SCAP: variants seen among roughly 807,000 people sequenced by gnomAD.
SCAP encodes the protein sterol regulatory element-binding protein cleavage-activating protein.
Under a neutral mutation model 123.6 loss-of-function variants are expected in SCAP, and 65 were observed. The observed-to-expected ratio is 0.53, with a 90% CI of 0.43 to 0.65. SCAP has a LOEUF of 0.65. SCAP is among the 30% of genes least tolerant of loss of function. The pLI is 0.00. For missense variants in SCAP, 1,398 were observed against 1,712.5 expected, an observed-to-expected ratio of 0.82 and a Z score of 3.24; for synonymous variants, 740 against 726.3, an observed-to-expected ratio of 1.02 and a Z score of -0.30.
In SCAP at chr3:47,427,439, G is replaced by C. The variant is rs1706186505; in HGVS notation, c.631+8C>G. On this transcript the variant is annotated splice_region_variant and intron_variant, in intron 5 of 22. Coordinates refer to ENST00000265565, the MANE Select transcript of SCAP (RefSeq NM_012235.4). ...TACAGGTCTGAAGGGAACTTGTACT[G>C]GGGCTACCTTTGAGTGTGGCTGAAG... The C allele has an allele frequency of 2.5e-6, 4 of 1,613,530 alleles. No individual in the cohort carries two copies. Among genetic ancestry groups the C allele is most frequent in the Non-Finnish European group, 3.4e-6 (4 of 1,179,422 alleles).
At chr3:47,429,286 C>G (rs1427050376) in intron 3 of SCAP, among the ~76,000 whole-genome samples, 1 of 152,248 alleles carries the variant, frequency 6.6e-6, no homozygotes, top group Non-Finnish European at 1.5e-5. Context: ...TGCTCAATAA[C>G]ACATCTACTA....
At chr3:47,416,392 G>A (rs1329829703) in intron 18 of SCAP, among the ~76,000 whole-genome samples, 1 of 152,232 alleles carries the variant, frequency 6.6e-6, no homozygotes, top group South Asian at 2.1e-4. Context: ...GAGAACAGCT[G>A]CCAGCGGCCA....
upstream of SCAP, chr3:47,476,916 A>T (rs1708285229): frequency 6.5e-6 from 1 of 153,788 alleles, no homozygotes; most frequent in Admixed American, 6.6e-5. Context: ...TGCCCGAGAC[A>T]CCCGCACCCA....
chr3:47,436,401 A>G (rs1706579809), intron 2 of SCAP, among the ~76,000 whole-genome samples: 1 of 152,158 alleles, frequency 6.6e-6, no homozygotes, highest in Non-Finnish European at 1.5e-5. Flanking sequence ...GGAGAGGCCA[A>G]GCGGGCGGAT....
At chr3:47,431,074 C>CT (rs1706336438) in intron 3 of SCAP, among the ~76,000 whole-genome samples, 2 of 151,996 alleles carry the variant, frequency 1.3e-5, no homozygotes, top group East Asian at 4.0e-4. Context: ...GCCTCATCCA[C>CT]TTTGTCTTCT....
At chr3:47,422,128 C>T (rs887886465) in intron 10 of SCAP, among the ~76,000 whole-genome samples, 9 of 152,268 alleles carry the variant, frequency 5.9e-5, no homozygotes, top group Non-Finnish European at 8.8e-5. Flanking sequence ...CCTGCCATGC[C>T]CTTGCAGCCT....
At position 47,417,650 on chromosome 3, in the gene SCAP, C is replaced by T; in HGVS notation, c.2624G>A (p.Cys875Tyr). The T allele has an allele frequency of 6.2e-7, 1 of 1,608,454 alleles. No homozygotes were observed. The highest frequency in any genetic ancestry group is 8.5e-7 in the Non-Finnish European group (1 of 1,178,230). Residue 875 changes from cysteine to tyrosine, a missense_variant, in exon 17 of 23, where the codon TGC becomes TAC. Transcript: ENST00000265565. ...SLFGDQPDLT[C>Y]LIDTNFSAQP... ...CGCTGAAAAGTTGGTGTCAATTAAG[C>T]AGGTGAGGTCAGGCTGGTCCCCGAA...
rs748720251 is a variant in SCAP at position 47,417,316 on chromosome 3, G to A, written c.2958C>T (p.Ser986=). The change falls in exon 17 of 23, where the codon AGC becomes AGT. Residue 986 remains serine, a synonymous_variant. Coordinates refer to ENST00000265565, the MANE Select transcript of SCAP (RefSeq NM_012235.4). ...CCCCTCTGCCCACCTCCAGCCGGCC[G>A]CTGCTCCGCCCCACCACGATGAGGT... ...QGNLIVVGRS[S]GRLEVWDAIE... 3.4e-5 allele frequency: 55 copies of A among 1,611,842 alleles called. No individual in the cohort carries two copies. Among genetic ancestry groups the A allele is most frequent in the South Asian group, 4.4e-5 (4 of 91,004 alleles).
intron 2 of SCAP, among the ~76,000 whole-genome samples, chr3:47,438,094 T>C (rs1050463809): frequency 6.6e-6 from 1 of 152,206 alleles, no homozygotes; most frequent in Non-Finnish European, 1.5e-5. Context: ...TTAATGTACA[T>C]TTTCCTGATA....
intron 3 of SCAP, among the ~76,000 whole-genome samples, chr3:47,432,314 G>GA (rs11308011): frequency 3.2e-4 from 24 of 75,656 alleles, no homozygotes; most frequent in African/African-American, 9.5e-4. Flanking sequence ...ACTCCGTCTT[G>GA]AAAAAAAAAA....
intron 10 of SCAP, 99 bp from the exon 11 acceptor site, chr3:47,421,128 G>A: frequency 1.1e-6 from 1 of 878,040 alleles, no homozygotes; most frequent in Non-Finnish European, 1.9e-6. Context: ...TAACCGGCAG[G>A]GCAGCAGCAG....
chr3:47,445,694 C>T (rs1042158195), intron 1 of SCAP, among the ~76,000 whole-genome samples: 1 of 152,030 alleles, frequency 6.6e-6, no homozygotes, highest in Admixed American at 6.6e-5. Context: ...GCCTCAGCCT[C>T]CCTTGTAGCT....
chr3:47,440,507 TA>T (rs1294326085), intron 2 of SCAP, among the ~76,000 whole-genome samples: 6 of 148,592 alleles, frequency 4.0e-5, no homozygotes, highest in South Asian at 4.3e-4. Context: ...AAAACAAAAT[TA>T]AAAAAAAAAC....
chr3:47,434,051 G>A (rs1330260407), intron 3 of SCAP, among the ~76,000 whole-genome samples: 1 of 152,168 alleles, frequency 6.6e-6, no homozygotes, highest in Non-Finnish European at 1.5e-5. Flanking sequence ...GCCTCATGAA[G>A]CCAGGGTGGT....
rs563392374 is a variant in SCAP, at chr3:47,415,917, C to T, written c.3057-737G>A. Among the ~76,000 whole-genome samples, 16 of 152,284 alleles carry T rather than the reference C, an allele frequency of 1.1e-4. No homozygotes were observed. The South Asian group carries it at 1.9e-3, about 18-fold the overall frequency. On this transcript the variant is annotated intron_variant, in intron 18 of 22. Transcript: ENST00000265565. ...AACCCTGATGGTCAGGTTGAGACAT[C>T]GGGGCTTTCCTTAAAGCTAAAACAA... is the stretch of plus-strand genomic sequence containing the variant.
intron 6 of SCAP, 75 bp downstream of exon 6, chr3:47,427,082 A>G: frequency 9.4e-7 from 1 of 1,061,720 alleles, no homozygotes. Context: ...GAACACTCTA[A>G]CCAGAAGAGG....
chr3:47,428,859 A>C, intron 3 of SCAP, 189 bp from the exon 4 acceptor site: 1 of 569,148 alleles, frequency 1.8e-6, no homozygotes, highest in Non-Finnish European at 3.0e-6. Flanking sequence ...AAACCCAGAA[A>C]CTCCCTCCGC....
chr3:47,470,267 A>T (rs1707981601), intron 1 of SCAP, among the ~76,000 whole-genome samples: 1 of 152,186 alleles, frequency 6.6e-6, no homozygotes, highest in Non-Finnish European at 1.5e-5. Context: ...GGCTCAGGTA[A>T]GAAGATTACT....
In SCAP at chr3:47,417,110, G is replaced by A. The variant is rs750036827; in HGVS notation, c.3056+12C>T. On this transcript the variant is annotated intron_variant, in intron 18 of 22. Transcript: ENST00000265565. ...GCTGGGGACATCTGGGGCTGAGGCA[G>A]GCCACGCTCACCTTTTGTCCAAGAA... 7 of 1,612,132 alleles carry A rather than the reference G, an allele frequency of 4.3e-6. No homozygotes were observed. In the African/African-American group the frequency reaches 9.3e-5, roughly 22 times the overall value.
Sources: gnomAD v4.1 joint callset for allele counts (sites outside exome capture counted in the v4.1 genomes callset) on GRCh38, gnomAD v4.1.1 for gene constraint, MANE v1.5 for transcripts, NCBI Gene and HGNC (gene_info 2026-07-23, HGNC 2026-07-21) for gene names.